Variants in DSCAM observed in about 807,000 individuals in gnomAD.
The protein encoded by DSCAM is DS cell adhesion molecule.
In DSCAM, 47 loss-of-function variants were observed where a neutral mutation model predicts 217.7. The ratio of observed to expected loss-of-function variants is 0.22; its 90% confidence interval spans 0.17 to 0.28. The LOEUF (loss-of-function observed/expected upper bound fraction) is 0.28, where lower values mean the gene tolerates loss of function less well. Ranked by LOEUF, DSCAM falls within the 10% of genes least tolerant of loss-of-function variation. DSCAM has a pLI of 1.00. For synonymous variants in DSCAM, 1,056 were observed against 1,015.3 expected, an observed-to-expected ratio of 1.04 and a Z score of -0.76; for missense variants, 2,080 against 2,618.3, an observed-to-expected ratio of 0.79 and a Z score of 4.49.
At chr21:40,283,525 T>C (rs183589726) in intron 10 of DSCAM, among the ~76,000 whole-genome samples, 22 of 152,288 alleles carry the variant, frequency 1.4e-4, no homozygotes, top group Admixed American at 9.8e-4. Context: ...GAACGGCAGA[T>C]TGTCACCAAA....
chr21:40,272,669 A>T (rs957352538), intron 11 of DSCAM, among the ~76,000 whole-genome samples: 2 of 152,198 alleles, frequency 1.3e-5, no homozygotes, highest in Non-Finnish European at 2.9e-5. Flanking sequence ...TTATGTTTAC[A>T]GCCAGCACCA....
chr21:40,727,189 G>A lies in DSCAM; in HGVS notation c.44-18418C>T, dbSNP rs188027105. 2.2e-3 allele frequency among the ~76,000 whole-genome samples: 331 copies of A among 152,196 alleles called. 2 individuals are homozygous for A. Among genetic ancestry groups the A allele is most frequent in the Middle Eastern group, 0.02 (6 of 294 alleles). The stretch of plus-strand genomic sequence containing the variant: ...GGAAAACACACGATGCTGAAATCTC[G>A]CCTACAGAGGCTTATTTAGGAGTCT... On this transcript the variant is annotated intron_variant, in intron 1 of 32. Coordinates refer to ENST00000400454, the MANE Select transcript of DSCAM (RefSeq NM_001389.5).
intron 11 of DSCAM, among the ~76,000 whole-genome samples, chr21:40,196,332 T>C (rs1278662978): frequency 2.0e-5 from 3 of 152,118 alleles, no homozygotes; most frequent in African/African-American, 7.2e-5. Context: ...ACCTGAGTCA[T>C]AGAGGAGCTG....
At chr21:40,667,431 C>T (rs1158079489) in intron 3 of DSCAM, among the ~76,000 whole-genome samples, 2 of 152,176 alleles carry the variant, frequency 1.3e-5, no homozygotes, top group African/African-American at 2.4e-5. Flanking sequence ...TAAATACTTG[C>T]ATATTTTGTG....
At chr21:40,494,070 C>T (rs114341009) in intron 3 of DSCAM, among the ~76,000 whole-genome samples, 1,631 of 151,738 alleles carry the variant, frequency 0.011, 30 homozygotes, top group African/African-American at 0.036. Context: ...AGTAAAGGAT[C>T]AAAGCACACC....
At chr21:40,544,104 C>T (rs1312051641) in intron 3 of DSCAM, among the ~76,000 whole-genome samples, 1 of 152,060 alleles carries the variant, frequency 6.6e-6, no homozygotes, top group African/African-American at 2.4e-5. Flanking sequence ...AAATTTCCTG[C>T]AGCATCAGCA....
chr21:40,845,604 C>T (rs1184818809), intron 1 of DSCAM, among the ~76,000 whole-genome samples: 1 of 151,134 alleles, frequency 6.6e-6, no homozygotes, highest in Non-Finnish European at 1.5e-5. Context: ...TCTCCCTCCT[C>T]TCTTTCTCTC....
chr21:40,553,161 TA>T (rs1489689027), intron 3 of DSCAM, among the ~76,000 whole-genome samples: 3 of 152,166 alleles, frequency 2.0e-5, no homozygotes, highest in African/African-American at 7.2e-5. Flanking sequence ...ATTTTAAAAA[TA>T]AAAGAAGAAA....
chr21:40,776,203 T>C (rs1350328042), intron 1 of DSCAM, among the ~76,000 whole-genome samples: 3 of 152,164 alleles, frequency 2.0e-5, no homozygotes, highest in Admixed American at 2.0e-4. Flanking sequence ...AATAAATACC[T>C]CTAATATAAT....
At chr21:40,466,009 A>G (rs1250341337) in intron 3 of DSCAM, among the ~76,000 whole-genome samples, 2 of 152,232 alleles carry the variant, frequency 1.3e-5, no homozygotes, top group African/African-American at 4.8e-5. Context: ...AAAATCTCAA[A>G]AAGACTGTGA....
intron 3 of DSCAM, among the ~76,000 whole-genome samples, chr21:40,547,185 T>C (rs2076590237): frequency 6.6e-6 from 1 of 152,056 alleles, no homozygotes; most frequent in Non-Finnish European, 1.5e-5. Context: ...GTAGACACAA[T>C]AGCAGCAAGG....
At chr21:40,452,163 A>G (rs924295547) in intron 3 of DSCAM, among the ~76,000 whole-genome samples, 1 of 151,876 alleles carries the variant, frequency 6.6e-6, no homozygotes, top group Non-Finnish European at 1.5e-5. Flanking sequence ...TACACAGACT[A>G]TATGTACTAT....
intron 1 of DSCAM, among the ~76,000 whole-genome samples, chr21:40,727,915 A>G (rs1370674023): frequency 6.6e-6 from 1 of 151,950 alleles, no homozygotes; most frequent in African/African-American, 2.4e-5. Flanking sequence ...TGTCGTCTCT[A>G]GACCACCCCT....
At chr21:40,771,540 T>C (rs1435885714) in intron 1 of DSCAM, among the ~76,000 whole-genome samples, 1 of 152,240 alleles carries the variant, frequency 6.6e-6, no homozygotes, top group Admixed American at 6.5e-5. Context: ...ACCAGGTTTC[T>C]GCAAAGAGCA....
At chr21:40,784,084 A>G (rs2091571071) in intron 1 of DSCAM, among the ~76,000 whole-genome samples, 1 of 149,558 alleles carries the variant, frequency 6.7e-6, no homozygotes, top group African/African-American at 2.4e-5. Context: ...AAATATTTTT[A>G]TATATTTATA....
At chr21:40,692,716 G>A (rs1207185243) in intron 3 of DSCAM, 94 bp downstream of exon 3, 84 of 1,415,832 alleles carry the variant, frequency 5.9e-5, no homozygotes, top group Non-Finnish European at 7.7e-5. Flanking sequence ...TCTGAATTAT[G>A]ATGAACACAT....
At chr21:40,596,107 C>A (rs1216337541) in intron 3 of DSCAM, among the ~76,000 whole-genome samples, 2 of 152,180 alleles carry the variant, frequency 1.3e-5, no homozygotes, top group Non-Finnish European at 2.9e-5. Context: ...TGGGGGTAAG[C>A]CTTAAAATGG....
chr21:40,210,021 A>G (rs963181893), intron 11 of DSCAM, among the ~76,000 whole-genome samples: 19 of 152,158 alleles, frequency 1.2e-4, no homozygotes, highest in African/African-American at 4.6e-4. Context: ...GTTTCCAGTT[A>G]CCCACTAACT....
chr21:40,678,213 C>T (rs964445040), intron 3 of DSCAM, among the ~76,000 whole-genome samples: 5 of 152,052 alleles, frequency 3.3e-5, no homozygotes, highest in East Asian at 1.9e-4. Context: ...TTATATCTGG[C>T]GTGTTTCTAT....
Sources: allele counts gnomAD v4.1 joint callset (sites outside exome capture counted in the v4.1 genomes callset), GRCh38; gene constraint gnomAD v4.1.1; transcripts MANE v1.5; gene names NCBI Gene and HGNC (gene_info 2026-07-23, HGNC 2026-07-21).